ROBO2: variants seen among roughly 807,000 people sequenced by gnomAD.
The protein encoded by ROBO2 is roundabout guidance receptor 2.
In ROBO2, 53 loss-of-function variants were observed where a neutral mutation model predicts 160.8. The observed-to-expected ratio is 0.33, with a 90% CI of 0.26 to 0.41. ROBO2 has a LOEUF of 0.41. Among genes scored for constraint, ROBO2 ranks in the 10% least tolerant of loss-of-function variants. ROBO2 has a pLI of 1.00. For synonymous variants in ROBO2, 664 were observed against 611.7 expected (o/e 1.09, Z -1.26); for missense variants, 1,577 against 1,722.4 (o/e 0.92, Z 1.49).
chr3:77,600,466 T>C (rs1046604291), intron 19 of ROBO2, among the ~76,000 whole-genome samples: 3 of 152,184 alleles, frequency 2.0e-5, no homozygotes, highest in Non-Finnish European at 4.4e-5. Context: ...CAATATTATG[T>C]AGGATTAGAT....
At chr3:77,014,471 C>A (rs1485848733) in intron 2 of ROBO2, among the ~76,000 whole-genome samples, 1 of 152,126 alleles carries the variant, frequency 6.6e-6, no homozygotes, top group Non-Finnish European at 1.5e-5. Context: ...GTGTGTGACT[C>A]CAAAGCGAGC....
chr3:76,042,933 G>A (rs568983394), intron 2 of ROBO2, among the ~76,000 whole-genome samples: 16 of 152,070 alleles, frequency 1.1e-4, no homozygotes, highest in South Asian at 8.3e-4. Flanking sequence ...CAGGGAGCTC[G>A]GATTTTAAGG....
chr3:77,334,744 A>ATG (rs2066315419), intron 2 of ROBO2, among the ~76,000 whole-genome samples: 1 of 151,808 alleles, frequency 6.6e-6, no homozygotes. Context: ...CTGTATATAT[A>ATG]TATATAGTGG....
intron 2 of ROBO2, among the ~76,000 whole-genome samples, chr3:76,875,202 G>A (rs765681360): frequency 1.2e-4 from 18 of 152,108 alleles, no homozygotes; most frequent in Non-Finnish European, 2.5e-4. Context: ...ATGCGGCAAC[G>A]GGGCACCAGT....
intron 2 of ROBO2, among the ~76,000 whole-genome samples, chr3:76,552,171 C>T (rs1289492897): frequency 1.3e-5 from 2 of 152,168 alleles, no homozygotes; most frequent in African/African-American, 4.8e-5. Context: ...TATAAGTAAT[C>T]TGGAGATGAT....
intron 2 of ROBO2, among the ~76,000 whole-genome samples, chr3:76,622,235 G>GAAGGAAGAAAGAAAGA (rs2089186140): frequency 4.5e-5 from 2 of 44,790 alleles, no homozygotes; most frequent in African/African-American, 8.7e-5. Context: ...AGGAAGGAAG[G>GAAGGAAGAAAGAAAGA]AAGAAAGAAA....
chr3:77,214,474 G>A (rs9858635), intron 2 of ROBO2, among the ~76,000 whole-genome samples: 22,026 of 151,892 alleles, frequency 0.15, 1,886 homozygotes, highest in Middle Eastern at 0.2. Context: ...TATTTGTGTC[G>A]CTGCACATGA....
At chr3:76,017,726 T>C (rs1374769176) in intron 2 of ROBO2, among the ~76,000 whole-genome samples, 1 of 152,046 alleles carries the variant, frequency 6.6e-6, no homozygotes, top group African/African-American at 2.4e-5. Flanking sequence ...TAATTAGAAA[T>C]AAAAGTTTCT....
chr3:76,097,143 C>T (rs1172841227), intron 2 of ROBO2, among the ~76,000 whole-genome samples: 2 of 152,094 alleles, frequency 1.3e-5, no homozygotes, highest in African/African-American at 2.4e-5. Context: ...GTGGGAATGC[C>T]GTATTTTGGG....
chr3:76,670,221 CCTTT>C (rs1381084930), intron 2 of ROBO2, among the ~76,000 whole-genome samples: 5 of 151,746 alleles, frequency 3.3e-5, no homozygotes, highest in Non-Finnish European at 5.9e-5. Flanking sequence ...TTAATCTTTT[CCTTT>C]AAGAGTTCTG....
intron 2 of ROBO2, among the ~76,000 whole-genome samples, chr3:76,263,774 G>A (rs552333666): frequency 6.6e-6 from 1 of 152,238 alleles, no homozygotes; most frequent in Non-Finnish European, 1.5e-5. Context: ...GCACGTGTAT[G>A]TTTATTGCAG....
intron 2 of ROBO2, among the ~76,000 whole-genome samples, chr3:76,083,675 T>C (rs886765639): frequency 1.3e-5 from 2 of 152,120 alleles, no homozygotes; most frequent in African/African-American, 4.8e-5. Flanking sequence ...ATCTGAAATG[T>C]TCCCTCCTGT....
intron 2 of ROBO2, among the ~76,000 whole-genome samples, chr3:76,419,249 T>A (rs1317175169): frequency 1.3e-5 from 2 of 152,196 alleles, no homozygotes; most frequent in Non-Finnish European, 2.9e-5. Context: ...TGAACAACAT[T>A]GCCATTAAAC....
intron 2 of ROBO2, among the ~76,000 whole-genome samples, chr3:76,811,149 C>A (rs2108989041): frequency 6.6e-6 from 1 of 152,152 alleles, no homozygotes; most frequent in South Asian, 2.1e-4. Context: ...AAAAGACTAT[C>A]TTTAGGTTAG....
At chr3:76,012,334 C>T (rs2066216236) in intron 2 of ROBO2, among the ~76,000 whole-genome samples, 1 of 152,126 alleles carries the variant, frequency 6.6e-6, no homozygotes, top group Non-Finnish European at 1.5e-5. Flanking sequence ...AAAACTGTAA[C>T]TATGCCTTTA....
At chr3:76,158,643 A>G (rs2072503872) in intron 2 of ROBO2, among the ~76,000 whole-genome samples, 1 of 152,088 alleles carries the variant, frequency 6.6e-6, no homozygotes, top group South Asian at 2.1e-4. Flanking sequence ...GTTTGCTGCC[A>G]AATGAATGAT....
At chr3:76,072,746 A>G (rs1650416829) in intron 2 of ROBO2, among the ~76,000 whole-genome samples, 2 of 152,180 alleles carry the variant, frequency 1.3e-5, no homozygotes, top group African/African-American at 4.8e-5. Context: ...GTGTTTATTA[A>G]TGAAACATAA....
At chr3:76,911,293 GATTT>G (rs1353213151) in intron 2 of ROBO2, among the ~76,000 whole-genome samples, 1 of 152,098 alleles carries the variant, frequency 6.6e-6, no homozygotes, top group Non-Finnish European at 1.5e-5. Flanking sequence ...ACCTCTTAAT[GATTT>G]ATTTGAGTTT....
chr3:77,067,456 G>A (rs1033727759), intron 1 of ROBO2, among the ~76,000 whole-genome samples: 8 of 152,122 alleles, frequency 5.3e-5, no homozygotes, highest in Non-Finnish European at 8.8e-5. Context: ...CCTGTATACC[G>A]AATTAGAAAG....
Sources: allele counts gnomAD v4.1 joint callset (sites outside exome capture counted in the v4.1 genomes callset), GRCh38; gene constraint gnomAD v4.1.1; transcripts MANE v1.5; gene names NCBI Gene and HGNC (gene_info 2026-07-23, HGNC 2026-07-21).